Variants in TMEM150C observed in about 807,000 individuals in gnomAD.
TMEM150C encodes transmembrane protein 150C, also known as tentonin 3.
In TMEM150C, 10 loss-of-function variants were observed where a neutral mutation model predicts 29.9. The observed-to-expected ratio is 0.33, with a 90% confidence interval of 0.21 to 0.57. The LOEUF (loss-of-function observed/expected upper bound fraction) is 0.57, where lower values mean the gene tolerates loss of function less well. Ranked by LOEUF, TMEM150C falls within the 20% of genes least tolerant of loss-of-function variation. The probability of loss-of-function intolerance (pLI) is 0.88; values close to 1 mark genes in which losing one functional copy is unlikely to be tolerated. For missense variants in TMEM150C, 251 were observed against 303.6 expected, an observed-to-expected ratio of 0.83 and a Z score of 1.29; for synonymous variants, 101 against 112.5, an observed-to-expected ratio of 0.90 and a Z score of 0.64.
intron 1 of TMEM150C, among the ~76,000 whole-genome samples, chr4:82,527,529 T>C (rs1662927175): frequency 6.6e-6 from 1 of 152,146 alleles, no homozygotes; most frequent in Non-Finnish European, 1.5e-5. Flanking sequence ...ACTCACACCA[T>C]CAAGGCTGAC....
chr4:82,528,605 C>CTTT lies in TMEM150C; in HGVS notation c.-10-23941_-10-23939dup, dbSNP rs549464188. Among the ~76,000 whole-genome samples, 363 of 139,614 alleles carry CTTT rather than the reference C, an allele frequency of 2.6e-3. 5 individuals are homozygous for CTTT. Among genetic ancestry groups the CTTT allele is most frequent in the African/African-American group, 9.3e-3 (348 of 37,450 alleles). The allele number at this position is 139,614 out of a possible 152,430, so 91.6% of individuals were successfully genotyped here. ...TATTTCTAGTTACTTTTCCTCGTCC[C>CTTT]TTTTTTTTTTTTTTTTAGATGGAGT... is the stretch of plus-strand genomic sequence containing the variant. On this transcript the variant is annotated intron_variant, in intron 1 of 7. Coordinates refer to ENST00000449862, the MANE Select transcript of TMEM150C (RefSeq NM_001080506.3).
At chr4:82,551,005 A>G (rs1398940460) in intron 1 of TMEM150C, among the ~76,000 whole-genome samples, 1 of 152,178 alleles carries the variant, frequency 6.6e-6, no homozygotes. Flanking sequence ...ATGGAGTTTG[A>G]GGCTGAATTC....
intron 1 of TMEM150C, among the ~76,000 whole-genome samples, chr4:82,536,977 AATTATT>A (rs1214219008): frequency 1.3e-5 from 2 of 151,932 alleles, no homozygotes; most frequent in East Asian, 1.9e-4. Context: ...CAACTTCAAC[AATTATT>A]ATTATTATTA....
intron 2 of TMEM150C, among the ~76,000 whole-genome samples, chr4:82,503,354 G>C (rs1723796595): frequency 6.6e-6 from 1 of 152,020 alleles, no homozygotes; most frequent in Non-Finnish European, 1.5e-5. Flanking sequence ...CTGGAAACTA[G>C]AAAACAAGGA....
At chr4:82,519,222 G>C (rs1238916844) in intron 1 of TMEM150C, among the ~76,000 whole-genome samples, 1 of 152,008 alleles carries the variant, frequency 6.6e-6, no homozygotes, top group Non-Finnish European at 1.5e-5. Context: ...CTACAACATG[G>C]TTTTCTGAAC....
intron 1 of TMEM150C, among the ~76,000 whole-genome samples, chr4:82,519,148 T>A (rs1724393923): frequency 6.6e-6 from 1 of 152,208 alleles, no homozygotes; most frequent in South Asian, 2.1e-4. Flanking sequence ...CTGCCAAACC[T>A]GCTCGACAGA....
chr4:82,520,435 G>A (rs1460126696), intron 1 of TMEM150C, among the ~76,000 whole-genome samples: 2 of 152,116 alleles, frequency 1.3e-5, no homozygotes, highest in Admixed American at 6.5e-5. Flanking sequence ...TTCTCAGGCC[G>A]AAAGCCTTGA....
In TMEM150C at chr4:82,497,512, T is replaced by C. The variant is rs144647112; in HGVS notation, c.236-1317A>G. Among the ~76,000 whole-genome samples the C allele has an allele frequency of 5.6e-3, 859 of 152,328 alleles. 8 individuals are homozygous for C. Among genetic ancestry groups the C allele is most frequent in the African/African-American group, 0.02 (820 of 41,576 alleles). On this transcript the variant is annotated intron_variant, in intron 5 of 7. Coordinates refer to ENST00000449862, the MANE Select transcript of TMEM150C (RefSeq NM_001080506.3). ...ACCCTATGGCTTTAAGCTTGATAAG[T>C]TGACTTTTAGTTCTAAGTACTTCTG... is the stretch of plus-strand genomic sequence containing the variant.
At chr4:82,530,714 A>T (rs1052172885) in intron 1 of TMEM150C, among the ~76,000 whole-genome samples, 3 of 152,238 alleles carry the variant, frequency 2.0e-5, no homozygotes, top group African/African-American at 7.2e-5. Flanking sequence ...TCACACTGCT[A>T]TAAAGAAATA....
chr4:82,537,020 C>T (rs757871112), intron 1 of TMEM150C, among the ~76,000 whole-genome samples: 11 of 152,102 alleles, frequency 7.2e-5, no homozygotes, highest in East Asian at 1.9e-4. Flanking sequence ...CTCACTCTGC[C>T]GCCCAGGCTG....
intron 1 of TMEM150C, among the ~76,000 whole-genome samples, chr4:82,552,391 A>G (rs1725608583): frequency 1.3e-5 from 2 of 152,070 alleles, no homozygotes; most frequent in Admixed American, 1.3e-4. Context: ...ACAAATCTAC[A>G]CTTTGGCCCT....
intron 1 of TMEM150C, among the ~76,000 whole-genome samples, chr4:82,544,406 T>C (rs1227478068): frequency 6.6e-6 from 1 of 152,234 alleles, no homozygotes; most frequent in Non-Finnish European, 1.5e-5. Context: ...TTATTGAACA[T>C]GCCTGATGGG....
intron 5 of TMEM150C, 101 bp downstream of exon 5, chr4:82,502,626 G>C: frequency 8.5e-7 from 1 of 1,178,788 alleles, no homozygotes; most frequent in Non-Finnish European, 1.2e-6. Context: ...GATACTAAAT[G>C]ATCAAATAAG....
intron 1 of TMEM150C, among the ~76,000 whole-genome samples, chr4:82,555,334 T>C (rs1725704331): frequency 6.6e-6 from 1 of 152,210 alleles, no homozygotes; most frequent in Non-Finnish European, 1.5e-5. Context: ...AGACCATTTG[T>C]CACTATCTGC....
At position 82,495,266 on chromosome 4, in the gene TMEM150C, C is replaced by T. The variant is rs1723508645; in HGVS notation, c.363+802G>A. On this transcript the variant is annotated intron_variant, in intron 6 of 7. Transcript: ENST00000449862. ...GACCATCCTGGCTAACAAGGTGAAA[C>T]TCCGTCTCTACTAAAAATACAAAAA... The T allele has an allele frequency of 2.6e-5, 6 of 231,210 alleles. No individual in the cohort carries two copies. The South Asian group carries it at 3.5e-4, about 13-fold the overall frequency. 14.3% of individuals were successfully genotyped at this position (231,210 alleles called of 1,614,324 possible).
intron 7 of TMEM150C, among the ~76,000 whole-genome samples, chr4:82,489,512 G>A (rs185794321): frequency 2.4e-4 from 37 of 152,186 alleles, no homozygotes; most frequent in Non-Finnish European, 4.4e-4. Flanking sequence ...AACTCTGAGC[G>A]GAGGAAGGGA....
intron 1 of TMEM150C, among the ~76,000 whole-genome samples, chr4:82,558,979 C>T (rs1725829239): frequency 6.6e-6 from 1 of 152,186 alleles, no homozygotes; most frequent in South Asian, 2.1e-4. Context: ...TAATCTCCCC[C>T]ACCCTTAAGA....
chr4:82,495,636 T>A (rs567785044), intron 6 of TMEM150C: 21 of 337,906 alleles, frequency 6.2e-5, no homozygotes, highest in African/African-American at 4.5e-4. Context: ...GGTCTATATA[T>A]AACAGGAATG....
At chr4:82,496,243 C>T (rs778269770) in intron 5 of TMEM150C, 48 bp from the exon 6 acceptor site, 2 of 1,547,322 alleles carry the variant, frequency 1.3e-6, no homozygotes, top group African/African-American at 2.7e-5. Flanking sequence ...AATCACACAC[C>T]TAGACTGTGA....
Sources: gnomAD v4.1 joint callset for allele counts (sites outside exome capture counted in the v4.1 genomes callset) on GRCh38, gnomAD v4.1.1 for gene constraint, MANE v1.5 for transcripts, NCBI Gene and HGNC (gene_info 2026-07-23, HGNC 2026-07-21) for gene names.